The following TBX5 variants were observed in gnomAD, a reference collection of about 807,000 sequenced individuals.
TBX5 encodes T-box transcription factor TBX5.
TBX5 carries 8 observed loss-of-function variants against 51.1 expected under a neutral mutation model. That is an observed-to-expected ratio of 0.16 (90% confidence interval 0.09 to 0.28). TBX5 has a LOEUF of 0.28. Among genes scored for constraint, TBX5 ranks in the 10% least tolerant of loss-of-function variants. The probability of loss-of-function intolerance (pLI) is 1.00; values close to 1 mark genes in which losing one functional copy is unlikely to be tolerated. For missense variants in TBX5, 589 were observed against 671.7 expected (o/e 0.88, Z 1.36); for synonymous variants, 302 against 266.4 (o/e 1.13, Z -1.30).
intron 5 of TBX5, among the ~76,000 whole-genome samples, chr12:114,395,287 G>A (rs1171105459): frequency 1.3e-5 from 2 of 152,018 alleles, no homozygotes; most frequent in Non-Finnish European, 2.9e-5. Flanking sequence ...GGTGGTGTAG[G>A]GGCACGGGGA....
intron 2 of TBX5, 48 bp downstream of exon 2, chr12:114,403,702 ACT>A (rs1871986657): frequency 6.3e-7 from 1 of 1,598,504 alleles, no homozygotes. Context: ...GGAAAGCCAG[ACT>A]CTGACTTTGA....
At chr12:114,388,682 G>A (rs973418729) in intron 6 of TBX5, among the ~76,000 whole-genome samples, 4 of 67,218 alleles carry the variant, frequency 6.0e-5, no homozygotes, top group African/African-American at 2.0e-4. Flanking sequence ...ATCCGTGTGT[G>A]TGTGTGTGTG....
intron 2 of TBX5, 72 bp from the exon 3 acceptor site, chr12:114,401,992 A>G: frequency 7.5e-7 from 1 of 1,340,598 alleles, no homozygotes; most frequent in African/African-American, 1.4e-5. Context: ...AAACTCCCCC[A>G]AAACACAGAG....
chr12:114,388,618 T>C (rs1398795992), intron 6 of TBX5, among the ~76,000 whole-genome samples: 2 of 151,914 alleles, frequency 1.3e-5, no homozygotes, highest in African/African-American at 4.8e-5. Context: ...GCTGAGATTA[T>C]ACACATGAGC....
At chr12:114,365,993 C>A (rs890872491) in intron 8 of TBX5, 172 bp downstream of exon 8, 26 of 795,300 alleles carry the variant, frequency 3.3e-5, no homozygotes, top group East Asian at 3.2e-4. Context: ...GTCAAGGGAA[C>A]TTTTTGTTTT....
At chr12:114,376,465 GA>G (rs1381244216) in intron 7 of TBX5, among the ~76,000 whole-genome samples, 2 of 152,074 alleles carry the variant, frequency 1.3e-5, no homozygotes, top group Non-Finnish European at 2.9e-5. Context: ...GTGGAGAGGA[GA>G]ATGGTGGTTG....
At chr12:114,398,825 G>A in intron 4 of TBX5, 105 bp from the exon 5 acceptor site, 2 of 1,385,106 alleles carry the variant, frequency 1.4e-6, no homozygotes, top group Non-Finnish European at 2.0e-6. Context: ...TTGTTGAGTA[G>A]TAGCTGGGAA....
At chr12:114,373,244 G>T (rs1379484250) in intron 7 of TBX5, among the ~76,000 whole-genome samples, 1 of 152,050 alleles carries the variant, frequency 6.6e-6, no homozygotes, top group African/African-American at 2.4e-5. Flanking sequence ...TATAGAGATG[G>T]TTCGGAAATC....
chr12:114,407,128 T>A, upstream of TBX5: 1 of 984,916 alleles, frequency 1.0e-6, no homozygotes, highest in Non-Finnish European at 1.2e-6. Flanking sequence ...CCTCTGTGAC[T>A]GCTCTGCTAA....
chr12:114,377,552 A>G (rs1870260691), intron 7 of TBX5, among the ~76,000 whole-genome samples: 1 of 149,602 alleles, frequency 6.7e-6, no homozygotes, highest in East Asian at 1.9e-4. Flanking sequence ...TATCATGTCC[A>G]GTTAATCTTT....
At chr12:114,366,140 A>C (rs375873875) in intron 8 of TBX5, 25 bp downstream of exon 8, 25 of 1,612,424 alleles carry the variant, frequency 1.6e-5, no homozygotes, top group Non-Finnish European at 2.0e-5. Context: ...AAGAAAGCAA[A>C]TTGACCAGGG....
intron 3 of TBX5, among the ~76,000 whole-genome samples, chr12:114,401,016 G>C (rs900346488): frequency 2.5e-4 from 38 of 152,010 alleles, no homozygotes; most frequent in Non-Finnish European, 4.9e-4. Context: ...TTTGCTTTGC[G>C]GGACGCGGAA....
chr12:114,406,021 G>A lies in TBX5; in HGVS notation c.-432C>T, dbSNP rs1320413917. 1 of 985,162 alleles carries A rather than the reference G, an allele frequency of 1.0e-6. No individual in the cohort carries two copies. Among genetic ancestry groups the A allele is most frequent in the Non-Finnish European group, 1.2e-6 (1 of 829,956 alleles). 61.0% of individuals were successfully genotyped at this position (985,162 alleles called of 1,614,324 possible). On this transcript the variant is annotated 5_prime_UTR_variant, in exon 1 of 9. Transcript: ENST00000405440. ...TCTGAGCGCAGCTTTCAGGATTAAA[G>A]TTCCCGGATTCGAGGTAAGAGTCAG...
rs1868735620 is a variant in TBX5 at position 114,354,194 on chromosome 12, AG to A, written c.*1337del. 6.6e-6 allele frequency: 1 copy of A among 151,912 alleles called. No homozygotes were observed. The highest frequency in any genetic ancestry group is 1.5e-5 in the Non-Finnish European group (1 of 67,996). The allele number at this position is 151,912 out of a possible 1,614,324, so 9.4% of individuals were successfully genotyped here. A position where few individuals can be genotyped will look rare whatever the true frequency, so the allele number is the denominator to read the frequency against. On this transcript the variant is annotated 3_prime_UTR_variant, in exon 9 of 9. Transcript: ENST00000405440. ...AAAAAAAGCAAAGCACATTCGAAAGAGGAAAAAAACAAAAAAAAACAAAAAA... is the reference window on the plus strand; with the variant it reads ...AAAAAAAGCAAAGCACATTCGAAAGAGAAAAAAACAAAAAAAAACAAAAAA...
chr12:114,384,462 A>G lies in TBX5; in HGVS notation c.755+1014T>C, dbSNP rs1197550104. Among the ~76,000 whole-genome samples, 32 of 152,130 alleles carry G rather than the reference A, an allele frequency of 2.1e-4. 1 individual carries two copies. The highest frequency in any genetic ancestry group is 2.1e-3 in the Admixed American group (32 of 15,260). On this transcript the variant is annotated intron_variant, in intron 7 of 8. Coordinates refer to ENST00000405440, the MANE Select transcript of TBX5 (RefSeq NM_181486.4). ...AGCATTATTTTTTAAAAAGCTTGCA[A>G]AATTTGACCTGATAAGCCCGCTATC...
rs942504213 is a variant in TBX5, at chr12:114,402,010, C to T, written c.148-90G>A. The stretch of plus-strand genomic sequence containing the variant: ...CTCCCCCAAAACACAGAGACTGCTC[C>T]TCCTTCCCGCTGGAGCCTGTGGTCT... On this transcript the variant is annotated intron_variant, in intron 2 of 8. Coordinates refer to ENST00000405440, the MANE Select transcript of TBX5 (RefSeq NM_181486.4). The T allele has an allele frequency of 5.3e-6, 6 of 1,125,910 alleles. No individual in the cohort carries two copies. The African/African-American group carries it at 7.6e-5, about 14-fold the overall frequency. 69.7% of individuals were successfully genotyped at this position (1,125,910 alleles called of 1,614,324 possible).
In TBX5 at chr12:114,372,322, T is replaced by C. The variant is rs189578253; in HGVS notation, c.756-5931A>G. Among the ~76,000 whole-genome samples, 55 of 152,238 alleles carry C rather than the reference T, an allele frequency of 3.6e-4. No individual in the cohort carries two copies. The East Asian group carries it at 9.7e-3, about 27-fold the overall frequency. On this transcript the variant is annotated intron_variant, in intron 7 of 8. Transcript: ENST00000405440. ...ATTGTCGGTTTTTTTCTTTTGTTTTTAAGACAAACTCTCACTCTGTTGTCC... is the reference window on the plus strand; with the variant it reads ...ATTGTCGGTTTTTTTCTTTTGTTTTCAAGACAAACTCTCACTCTGTTGTCC...
In TBX5 at chr12:114,403,690, C is replaced by T. The variant is rs2136424268; in HGVS notation, c.147+62G>A. ...TTCTGTCCCCGCAAGAGAAGCCGAG[C>T]AGGAAAGCCAGACTCTGACTTTGAT... is the stretch of plus-strand genomic sequence containing the variant. On this transcript the variant is annotated intron_variant, in intron 2 of 8. Transcript: ENST00000405440. 7 of 1,587,394 alleles carry T rather than the reference C, an allele frequency of 4.4e-6. No homozygotes were observed. In the East Asian group the frequency reaches 1.3e-4, roughly 31 times the overall value.
Position 114,356,055 on chromosome 12 carries a change from G to T in TBX5, c.1034C>A (p.Thr345Lys), listed in dbSNP as rs749598173. The stretch of plus-strand genomic sequence containing the variant: ...GAAGGAATCTTCTTCACTGGGTGAT[G>T]TCTCCATGTAGGGCTTCTTATAGGG... ...DHPYKKPYME[T>K]SPSEEDSFYR... The change falls in exon 9 of 9, where the codon ACA (threonine) becomes AAA (lysine). Residue 345 changes from threonine (T) to lysine (K), a missense_variant. This residue lies in a region of TBX5 where 348 missense variants were observed against 360.4 expected (regional missense o/e 0.97). Coordinates refer to ENST00000405440, the MANE Select transcript of TBX5 (RefSeq NM_181486.4). The T allele has an allele frequency of 1.1e-5, 17 of 1,614,008 alleles. No individual in the cohort carries two copies. The highest frequency in any genetic ancestry group is 1.4e-5 in the Non-Finnish European group (17 of 1,180,038).
Sources: allele counts gnomAD v4.1 joint callset (sites outside exome capture counted in the v4.1 genomes callset), GRCh38; gene constraint gnomAD v4.1.1; regional missense constraint gnomAD v4.1.1; transcripts MANE v1.5; gene names NCBI Gene and HGNC (gene_info 2026-07-23, HGNC 2026-07-21).